Variants in POU2F3 observed in about 807,000 individuals in gnomAD.
POU2F3 encodes the protein POU class 2 homeobox 3.
POU2F3 carries 23 observed loss-of-function variants against 59.2 expected under a neutral mutation model. That is an observed-to-expected ratio of 0.39 (90% CI 0.28 to 0.55). The LOEUF (loss-of-function observed/expected upper bound fraction) is 0.55. POU2F3 is among the 20% of genes least tolerant of loss of function. POU2F3 has a pLI of 0.66. For synonymous variants in POU2F3, 190 were observed against 214.6 expected (o/e 0.89, Z 1.00); for missense variants, 473 against 544.5 (o/e 0.87, Z 1.31).
At chr11:120,282,815 T>A (rs904059917) in intron 3 of POU2F3, among the ~76,000 whole-genome samples, 5 of 152,238 alleles carry the variant, frequency 3.3e-5, no homozygotes, top group African/African-American at 1.2e-4. Flanking sequence ...CTTGATGACA[T>A]CTCACAGTGT....
intron 3 of POU2F3, among the ~76,000 whole-genome samples, chr11:120,293,953 T>C (rs973964686): frequency 7.2e-5 from 11 of 152,144 alleles, no homozygotes; most frequent in African/African-American, 2.7e-4. Context: ...GCCGGGGTAT[T>C]GCTATATGAG....
intron 2 of POU2F3, among the ~76,000 whole-genome samples, chr11:120,264,576 G>A (rs967226167): frequency 1.3e-5 from 2 of 152,078 alleles, no homozygotes; most frequent in African/African-American, 2.4e-5. Context: ...TCCACCTTTT[G>A]GGGGGGTGGT....
chr11:120,254,192 G>T (rs186088613), intron 2 of POU2F3: 5 of 152,300 alleles, frequency 3.3e-5, no homozygotes, highest in Non-Finnish European at 7.3e-5. Context: ...AGTGGAGGAA[G>T]AATTTAGAAA....
Position 120,240,332 on chromosome 11 carries a change from G to C in POU2F3, c.-12G>C, listed in dbSNP as rs10790371. 124,678 of 1,386,634 alleles carry C rather than the reference G, an allele frequency of 0.09. 7,115 individuals are homozygous for C. The highest frequency in any genetic ancestry group is 0.23 in the African/African-American group (16,001 of 68,382). 85.9% of individuals were successfully genotyped at this position (1,386,634 alleles called of 1,614,324 possible). ...CTGGGGGGGCGCTGGCTTTGGCCCC[G>C]CCTGGGGCAGGATGGTGAATCTGGA... On this transcript the variant is annotated 5_prime_UTR_variant, in exon 1 of 13. Transcript: ENST00000543440.
At chr11:120,310,342 C>G (rs972963428) in intron 10 of POU2F3, among the ~76,000 whole-genome samples, 1 of 152,150 alleles carries the variant, frequency 6.6e-6, no homozygotes, top group Non-Finnish European at 1.5e-5. Flanking sequence ...CGTTGGAAAG[C>G]ACTGCCATTT....
chr11:120,262,659 A>T (rs1276696835), intron 2 of POU2F3, among the ~76,000 whole-genome samples: 2 of 152,354 alleles, frequency 1.3e-5, no homozygotes, highest in East Asian at 3.9e-4. Flanking sequence ...TTTATGTATC[A>T]GCTATGATTA....
chr11:120,269,966 G>T (rs1939992681), intron 3 of POU2F3, among the ~76,000 whole-genome samples: 1 of 152,058 alleles, frequency 6.6e-6, no homozygotes, highest in Non-Finnish European at 1.5e-5. Context: ...AGAAGCAGAT[G>T]GCGGGAGTGG....
chr11:120,245,129 C>T (rs750219254), intron 1 of POU2F3, among the ~76,000 whole-genome samples: 55 of 152,268 alleles, frequency 3.6e-4, no homozygotes, highest in Admixed American at 6.5e-4. Flanking sequence ...TGACTTTCTC[C>T]CCTATTTCTG....
At chr11:120,264,197 A>G (rs1337311896) in intron 2 of POU2F3, among the ~76,000 whole-genome samples, 1 of 146,102 alleles carries the variant, frequency 6.8e-6, no homozygotes, top group Non-Finnish European at 1.5e-5. Context: ...TCATACACAC[A>G]CACACACACA....
At chr11:120,309,664 G>A (rs1941602365) in intron 10 of POU2F3, 78 bp downstream of exon 10, 1 of 1,488,738 alleles carries the variant, frequency 6.7e-7, no homozygotes, top group Non-Finnish European at 9.3e-7. Context: ...TGGCTGCAGG[G>A]AAGAGGGGAG....
chr11:120,296,215 T>C (rs935670849), intron 3 of POU2F3, among the ~76,000 whole-genome samples: 1 of 152,174 alleles, frequency 6.6e-6, no homozygotes, highest in Non-Finnish European at 1.5e-5. Context: ...ATCTTCAACA[T>C]TTTCTTCCCT....
intron 2 of POU2F3, among the ~76,000 whole-genome samples, chr11:120,258,265 C>G (rs997005928): frequency 5.3e-5 from 8 of 152,134 alleles, no homozygotes; most frequent in African/African-American, 1.9e-4. Context: ...GCCCCTTGGA[C>G]TCTTACTAAC....
Position 120,240,213 on chromosome 11 carries a change from C to T in POU2F3, c.-131C>T. On this transcript the variant is annotated 5_prime_UTR_variant, in exon 1 of 13. Transcript: ENST00000543440. ...GAGCGCGCGACAGTGGCGGCGACGG[C>T]TCCGGCAGCGGCTCCCGCGGCGGCG... 8.0e-7 allele frequency: 1 copy of T among 1,243,524 alleles called. No individual in the cohort carries two copies. The highest frequency in any genetic ancestry group is 1.0e-6 in the Non-Finnish European group (1 of 987,344). The allele number at this position is 1,243,524 out of a possible 1,614,324, so 77.0% of individuals were successfully genotyped here. A position where few individuals can be genotyped will look rare whatever the true frequency, so the allele number is the denominator to read the frequency against.
intron 10 of POU2F3, among the ~76,000 whole-genome samples, chr11:120,310,550 G>C (rs1432624804): frequency 6.6e-6 from 1 of 152,146 alleles, no homozygotes; most frequent in Non-Finnish European, 1.5e-5. Flanking sequence ...TGAAGTTTAG[G>C]GGGCAGGAAA....
intron 2 of POU2F3, among the ~76,000 whole-genome samples, chr11:120,249,575 T>C (rs1468294335): frequency 3.3e-5 from 5 of 152,228 alleles, no homozygotes; most frequent in Non-Finnish European, 7.3e-5. Context: ...GATGAGAATA[T>C]AGCCTTACCC....
chr11:120,302,206 G>C, intron 5 of POU2F3, 80 bp from the exon 6 acceptor site: 1 of 1,252,748 alleles, frequency 8.0e-7, no homozygotes, highest in South Asian at 1.3e-5. Flanking sequence ...CAGTGATCGT[G>C]GTGCCAAAGT....
intron 10 of POU2F3, among the ~76,000 whole-genome samples, chr11:120,311,247 T>C (rs1941642087): frequency 1.3e-5 from 2 of 152,174 alleles, no homozygotes; most frequent in Non-Finnish European, 2.9e-5. Context: ...TTTCATAGGA[T>C]ATTGGCATGA....
intron 2 of POU2F3, among the ~76,000 whole-genome samples, chr11:120,247,115 CAA>C (rs1591372296): frequency 6.6e-6 from 1 of 152,126 alleles, no homozygotes; most frequent in South Asian, 2.1e-4. Context: ...CTGAGAGGAA[CAA>C]AGAAGAATTA....
intron 3 of POU2F3, 129 bp from the exon 4 acceptor site, chr11:120,298,136 T>C (rs1472960463): frequency 5.9e-6 from 7 of 1,178,170 alleles, no homozygotes; most frequent in South Asian, 3.2e-5. Context: ...TGCAGCCCAG[T>C]AGGCCCTGGG....
Sources: gnomAD v4.1 joint callset for allele counts (sites outside exome capture counted in the v4.1 genomes callset) on GRCh38, gnomAD v4.1.1 for gene constraint, MANE v1.5 for transcripts, NCBI Gene and HGNC (gene_info 2026-07-23, HGNC 2026-07-21) for gene names.